Variants in PAK6 observed in about 807,000 individuals in gnomAD.
The protein encoded by PAK6 is serine/threonine-protein kinase PAK 6.
In PAK6, 33 loss-of-function variants were observed where a neutral mutation model predicts 60.8. That is an observed-to-expected ratio of 0.54 (90% confidence interval 0.41 to 0.73). PAK6 has a LOEUF of 0.73. Ranked by LOEUF, PAK6 falls within the 30% of genes least tolerant of loss-of-function variation. The pLI is 0.00. For synonymous variants in PAK6, 404 were observed against 378.5 expected (o/e 1.07, Z -0.78); for missense variants, 845 against 904.1 (o/e 0.93, Z 0.84).
At chr15:40,269,389 T>C (rs569893747) in intron 5 of PAK6, among the ~76,000 whole-genome samples, 3 of 152,314 alleles carry the variant, frequency 2.0e-5, no homozygotes, top group Admixed American at 2.0e-4. Context: ...TATAGCCCCC[T>C]AAGCCCACAG....
At chr15:40,251,807 C>G (rs1489821944) in intron 2 of PAK6, 1 of 152,702 alleles carries the variant, frequency 6.5e-6, no homozygotes, top group Non-Finnish European at 1.5e-5. Context: ...AGAAAACACC[C>G]TGTACCCCAA....
chr15:40,271,018 G>A (rs1418172922), intron 5 of PAK6, among the ~76,000 whole-genome samples: 1 of 152,238 alleles, frequency 6.6e-6, no homozygotes, highest in Non-Finnish European at 1.5e-5. Flanking sequence ...TACTGCTTGA[G>A]ATTTCCTGTA....
chr15:40,253,496 C>T (rs2038748264), intron 3 of PAK6, among the ~76,000 whole-genome samples: 1 of 152,258 alleles, frequency 6.6e-6, no homozygotes, highest in African/African-American at 2.4e-5. Flanking sequence ...CCCCATGGCC[C>T]CACGGTAGGC....
intron 2 of PAK6, among the ~76,000 whole-genome samples, chr15:40,244,641 G>A (rs528270854): frequency 3.3e-5 from 5 of 151,846 alleles, no homozygotes; most frequent in Admixed American, 6.6e-5. Flanking sequence ...CAGGTGATCC[G>A]CCGACCTCAG....
exon 5 of PAK6, chr15:40,266,322 C>G: frequency 6.2e-7 from 1 of 1,612,108 alleles, no homozygotes. Context: ...GGAGGCCCGG[C>G]CACAGTCCTG....
intron 3 of PAK6, among the ~76,000 whole-genome samples, chr15:40,260,851 T>C (rs1287110283): frequency 2.0e-5 from 3 of 152,106 alleles, no homozygotes; most frequent in Non-Finnish European, 2.9e-5. Flanking sequence ...TTATTCTAGA[T>C]ATTTTGTATT....
chr15:40,263,906 C>T, intron 3 of PAK6: 1 of 456,036 alleles, frequency 2.2e-6, no homozygotes, highest in South Asian at 1.5e-5. Flanking sequence ...CATGAACCAC[C>T]ATGCCCGGCC....
intron 9 of PAK6, 21 bp from the exon 10 acceptor site, chr15:40,274,121 A>T (rs769598258): frequency 1.2e-6 from 2 of 1,613,764 alleles, no homozygotes; most frequent in South Asian, 2.2e-5. Flanking sequence ...CCATGGGGTC[A>T]GGGACATTTT....
exon 5 of PAK6, chr15:40,266,491 G>A (rs757982465): frequency 6.2e-7 from 1 of 1,600,486 alleles, no homozygotes; most frequent in South Asian, 1.1e-5. Context: ...CCACCACAGA[G>A]CAAGGTAAGT....
At chr15:40,266,213 T>C (rs1320790577) in exon 5 of PAK6, 5 of 1,609,974 alleles carry the variant, frequency 3.1e-6, no homozygotes, top group Non-Finnish European at 4.2e-6. Context: ...CGCAGCGCTG[T>C]CTGCAGCTGG....
chr15:40,240,411 C>T (rs2038290367), intron 1 of PAK6, 188 bp from the exon 2 acceptor site: 1 of 341,456 alleles, frequency 2.9e-6, no homozygotes, highest in African/African-American at 2.2e-5. Context: ...GGGGGAGGTC[C>T]CTTCTCCCCC....
Position 40,256,153 on chromosome 15 carries a change from C to T in PAK6, c.-6+2864C>T, listed in dbSNP as rs571269269. The stretch of plus-strand genomic sequence containing the variant: ...GGTGGGAGGGTGGGTTGAGGCCAGA[C>T]GTTCGAGGCTGCAGTAAGCTCTGAT... On this transcript the variant is annotated intron_variant, in intron 3 of 10. Transcript: ENST00000560346. Among the ~76,000 whole-genome samples the T allele has an allele frequency of 7.9e-5, 12 of 152,260 alleles. No homozygotes were observed. The South Asian group carries it at 1.0e-3, about 13-fold the overall frequency.
Position 40,272,221 on chromosome 15 carries a change from C to A in PAK6, c.859-3C>A. ...GACCCTTCCTGTTGCTTTGTCCCTG[C>A]AGCCCAACTCCTCTTTCCGACCGCC... is the stretch of plus-strand genomic sequence containing the variant. On this transcript the variant is annotated splice_region_variant and splice_polypyrimidine_tract_variant and intron_variant, in intron 5 of 10. Transcript: ENST00000560346. 6 of 1,603,206 alleles carry A rather than the reference C, an allele frequency of 3.7e-6. No homozygotes were observed. Among genetic ancestry groups the A allele is most frequent in the Non-Finnish European group, 5.1e-6 (6 of 1,173,102 alleles).
chr15:40,276,001 G>A (rs773441112), exon 11 of PAK6: 11 of 1,613,024 alleles, frequency 6.8e-6, no homozygotes, highest in East Asian at 2.2e-5. Flanking sequence ...CAGCCCAGGA[G>A]CTCCTAGACC....
chr15:40,270,444 C>T (rs2039269259), intron 5 of PAK6, among the ~76,000 whole-genome samples: 1 of 152,220 alleles, frequency 6.6e-6, no homozygotes, highest in Admixed American at 6.5e-5. Flanking sequence ...TCTGCGGTTT[C>T]TCTAGCTCCC....
At chr15:40,254,339 G>A (rs2140959873) in intron 3 of PAK6, among the ~76,000 whole-genome samples, 1 of 152,286 alleles carries the variant, frequency 6.6e-6, no homozygotes, top group African/African-American at 2.4e-5. Context: ...CTGGCTGTTT[G>A]GCAAGCTATT....
In PAK6 at chr15:40,266,624, A is replaced by T. The variant is rs34519235; in HGVS notation, c.858+129A>T. 1.4e-4 allele frequency: 122 copies of T among 857,428 alleles called. No individual in the cohort carries two copies. The African/African-American group carries it at 1.9e-3, about 13-fold the overall frequency. 53.1% of individuals were successfully genotyped at this position (857,428 alleles called of 1,614,324 possible). A position where few individuals can be genotyped will look rare whatever the true frequency, so the allele number is the denominator to read the frequency against. On this transcript the variant is annotated intron_variant, in intron 5 of 10. Coordinates refer to ENST00000560346, the Ensembl canonical transcript of PAK6. Reference sequence around the variant, plus strand: ...ACTGCTTCCGCCTAAGGCGGCAGAAATGTGCACGGTAACCTCTTCTCTAAG... The same window carrying T: ...ACTGCTTCCGCCTAAGGCGGCAGAATTGTGCACGGTAACCTCTTCTCTAAG...
At chr15:40,267,240 A>C (rs2140983300) in intron 5 of PAK6, among the ~76,000 whole-genome samples, 1 of 151,976 alleles carries the variant, frequency 6.6e-6, no homozygotes, top group South Asian at 2.1e-4. Context: ...GCTTTAAGAC[A>C]AGCCTGGGTA....
At chr15:40,255,971 A>G (rs1026581150) in intron 3 of PAK6, among the ~76,000 whole-genome samples, 2 of 152,164 alleles carry the variant, frequency 1.3e-5, no homozygotes, top group Admixed American at 1.3e-4. Flanking sequence ...AGCAAACTAA[A>G]CCACACAGGA....
Sources: allele counts gnomAD v4.1 joint callset (sites outside exome capture counted in the v4.1 genomes callset), GRCh38; gene constraint gnomAD v4.1.1; transcripts MANE v1.5; gene names NCBI Gene and HGNC (gene_info 2026-07-23, HGNC 2026-07-21).